Variants in TRPM2 observed in about 807,000 individuals in gnomAD.
The protein encoded by TRPM2 is estrogen-responsive element-associated gene 1 protein.
TRPM2 carries 161 observed loss-of-function variants against 174.0 expected under a neutral mutation model. The ratio of observed to expected loss-of-function variants is 0.93; its 90% confidence interval spans 0.81 to 1.05. The LOEUF is 1.05. Ranked by LOEUF, TRPM2 falls within the 50% of genes least tolerant of loss-of-function variation. The pLI, the probability that TRPM2 is intolerant of heterozygous loss-of-function variation, is 0.00. For missense variants in TRPM2, 2,057 were observed against 2,038.0 expected, an observed-to-expected ratio of 1.01 and a Z score of -0.18; for synonymous variants, 954 against 861.3, an observed-to-expected ratio of 1.11 and a Z score of -1.88.
intron 2 of TRPM2, among the ~76,000 whole-genome samples, chr21:44,359,331 C>A (rs1416650756): frequency 6.6e-6 from 1 of 152,114 alleles, no homozygotes; most frequent in Non-Finnish European, 1.5e-5. Context: ...CTGGCTTCAC[C>A]TCTCAACATC....
chr21:44,359,330 C>T (rs1395966928), intron 2 of TRPM2, among the ~76,000 whole-genome samples: 6 of 152,142 alleles, frequency 3.9e-5, no homozygotes, highest in Non-Finnish European at 5.9e-5. Flanking sequence ...GCTGGCTTCA[C>T]CTCTCAACAT....
chr21:44,425,761 G>A lies in TRPM2; in HGVS notation c.3729G>A (p.Arg1243=), dbSNP rs1012625878. 6.3e-7 allele frequency: 1 copy of A among 1,596,004 alleles called. No individual in the cohort carries two copies. ...EPGDSYHVNA[R]HLLYPNCPVT... is the part of the protein sequence containing the mutation. ...GCGACAGCTACCACGTGAATGCCCGGCACCTCCTCTACCCCAACTGCCCTG... is the reference window on the plus strand; with the variant it reads ...GCGACAGCTACCACGTGAATGCCCGACACCTCCTCTACCCCAACTGCCCTG... The change falls in exon 25 of 32, where the codon CGG becomes CGA. Residue 1243 remains arginine (R), a synonymous_variant. Coordinates refer to ENST00000397928, the MANE Select transcript of TRPM2 (RefSeq NM_003307.4).
intron 9 of TRPM2, among the ~76,000 whole-genome samples, chr21:44,385,200 T>C (rs915386178): frequency 1.3e-5 from 2 of 152,184 alleles, no homozygotes; most frequent in Non-Finnish European, 2.9e-5. Flanking sequence ...AACTGATACA[T>C]TTGACAAAAT....
rs2049549958 is a variant in TRPM2 at position 44,399,709 on chromosome 21, G to A, written c.2208+268G>A. Among the ~76,000 whole-genome samples the A allele has an allele frequency of 6.6e-6, 1 of 152,180 alleles. No homozygotes were observed. Among genetic ancestry groups the A allele is most frequent in the Admixed American group, 6.5e-5 (1 of 15,282 alleles). On this transcript the variant is annotated intron_variant, in intron 14 of 31. Transcript: ENST00000397928. The surrounding 1 kb of genome is among the most constrained non-coding windows in gnomAD (Gnocchi z 4.6). ...CCCATGGATGTTCCTACCTGGGAGC[G>A]GCAGGCAGAAGCCCAGGTGGCTCTG... is the stretch of plus-strand genomic sequence containing the variant.
chr21:44,371,342 C>T (rs2048536399), intron 5 of TRPM2, among the ~76,000 whole-genome samples: 2 of 125,284 alleles, frequency 1.6e-5, no homozygotes, highest in African/African-American at 3.2e-5. Context: ...GTCCCGTGGC[C>T]GCCTCCCTCC....
At chr21:44,421,880 G>A (rs1475000707) in intron 22 of TRPM2, among the ~76,000 whole-genome samples, 1 of 152,224 alleles carries the variant, frequency 6.6e-6, no homozygotes, top group Admixed American at 6.5e-5. Flanking sequence ...TGGTGCCACT[G>A]CACTGCAGCC....
rs1434708198 is a variant in TRPM2, at chr21:44,441,678, C to G, written c.4387-14C>G. On this transcript the variant is annotated splice_polypyrimidine_tract_variant and intron_variant, in intron 31 of 31. Coordinates refer to ENST00000397928, the MANE Select transcript of TRPM2 (RefSeq NM_003307.4). The stretch of plus-strand genomic sequence containing the variant: ...GGCTGGCGGGGAGGGTCAGCTGTGC[C>G]CTTGTTCTTCCAGAACCTGCACGCC... 6.2e-7 allele frequency: 1 copy of G among 1,603,852 alleles called. No homozygotes were observed. Among genetic ancestry groups the G allele is most frequent in the Admixed American group, 1.7e-5 (1 of 59,474 alleles).
Position 44,391,224 on chromosome 21 carries a change from T to C in TRPM2, c.1441-48T>C, listed in dbSNP as rs765669540. 2.4e-5 allele frequency: 37 copies of C among 1,569,438 alleles called. No homozygotes were observed. Among genetic ancestry groups the C allele is most frequent in the Admixed American group, 5.1e-5 (3 of 58,312 alleles). On this transcript the variant is annotated intron_variant, in intron 10 of 31. Transcript: ENST00000397928. The surrounding 1 kb of genome is among the most constrained non-coding windows in gnomAD (Gnocchi z 5.0). ...CAGGGTCTTTGAGATCAGGATGACA[T>C]GGGGTGATGACCAAATGCAACCGTC...
rs779983279 is a variant in TRPM2, at chr21:44,376,037, T to C, written c.952+24T>C. 1.1e-5 allele frequency: 17 copies of C among 1,606,820 alleles called. No individual in the cohort carries two copies. The highest frequency in any genetic ancestry group is 1.4e-5 in the Non-Finnish European group (17 of 1,174,964). The stretch of plus-strand genomic sequence containing the variant: ...AGGTAGGGGAGCTTGCTTTCGAGGG[T>C]GATTGGGCAGAGAGCACAGTGGGCT... On this transcript the variant is annotated intron_variant, in intron 6 of 31. Coordinates refer to ENST00000397928, the MANE Select transcript of TRPM2 (RefSeq NM_003307.4). This position sits in a 1 kb window ranked among gnomAD's most constrained non-coding sequence, Gnocchi z 4.2.
chr21:44,402,689 T>A (rs1041612193), intron 16 of TRPM2, among the ~76,000 whole-genome samples: 2 of 152,174 alleles, frequency 1.3e-5, no homozygotes, highest in African/African-American at 4.8e-5. Context: ...GCTCAGAGGC[T>A]ATCTCCCTGG....
intron 9 of TRPM2, among the ~76,000 whole-genome samples, chr21:44,387,746 C>G (rs577752810): frequency 3.6e-4 from 54 of 151,972 alleles, no homozygotes; most frequent in African/African-American, 1.3e-3. Context: ...CTTAAATAGA[C>G]ATTTCTTTAA....
At chr21:44,382,239 G>A (rs936135144) in intron 8 of TRPM2, among the ~76,000 whole-genome samples, 2 of 152,110 alleles carry the variant, frequency 1.3e-5, no homozygotes, top group African/African-American at 4.8e-5. Context: ...TTTATAGATG[G>A]ATAGATTATG....
At chr21:44,405,734 T>C (rs919290903) in intron 17 of TRPM2, among the ~76,000 whole-genome samples, 171 bp from the exon 18 acceptor site, 10 of 151,992 alleles carry the variant, frequency 6.6e-5, no homozygotes, top group Admixed American at 2.0e-4. Flanking sequence ...AGTGGGAGGC[T>C]CTATTCCTCA....
In TRPM2 at chr21:44,418,434, GAGA is replaced by G. The variant is rs2050393881; in HGVS notation, c.3345_3347del (p.Lys1115del). 3 of 1,613,926 alleles carry G rather than the reference GAGA, an allele frequency of 1.9e-6. No individual in the cohort carries two copies. The highest frequency in any genetic ancestry group is 1.3e-5 in the African/African-American group (1 of 74,932). ...GCCCACCCTGACAGAGAACAAGCTGGAGAAGAACGAGGAGGCGGCCCTGCTATC... is the reference window on the plus strand; with the variant it reads ...GCCCACCCTGACAGAGAACAAGCTGGAGAACGAGGAGGCGGCCCTGCTATC... On this transcript the variant is annotated inframe_deletion, in exon 22 of 32. Transcript: ENST00000397928.
chr21:44,414,108 G>T, intron 20 of TRPM2, 34 bp downstream of exon 20: 1 of 1,593,594 alleles, frequency 6.3e-7, no homozygotes, highest in Non-Finnish European at 8.6e-7. Context: ...GTGCAGGTGG[G>T]TGGGTGGGCG....
At chr21:44,422,655 G>A (rs930591327) in intron 22 of TRPM2, among the ~76,000 whole-genome samples, 8 of 152,220 alleles carry the variant, frequency 5.3e-5, no homozygotes, top group African/African-American at 1.9e-4. Flanking sequence ...CAGCGGATGA[G>A]AGCTGGAGAC....
chr21:44,405,276 C>A lies in TRPM2; in HGVS notation c.2657+16C>A. The A allele has an allele frequency of 1.2e-6, 2 of 1,611,050 alleles. No individual in the cohort carries two copies. The highest frequency in any genetic ancestry group is 2.2e-5 in the South Asian group (2 of 91,038). On this transcript the variant is annotated intron_variant, in intron 17 of 31. Transcript: ENST00000397928. ...TGACCTGCAGGTGAGTGGCCTCACC[C>A]CGATGGCGGGCCCGTCTGAGGCAGC...
intron 20 of TRPM2, among the ~76,000 whole-genome samples, chr21:44,416,982 A>T (rs1434138432): frequency 8.3e-6 from 1 of 119,948 alleles, no homozygotes; most frequent in Admixed American, 9.0e-5. Flanking sequence ...TCTCTGTGGC[A>T]TCACAGTGTG....
intron 7 of TRPM2, 106 bp from the exon 8 acceptor site, chr21:44,378,891 T>C (rs369972655): frequency 8.2e-7 from 1 of 1,221,724 alleles, no homozygotes; most frequent in Non-Finnish European, 1.2e-6. Flanking sequence ...CTCGGAGTAG[T>C]GTTAGCCAGC....
Sources: gnomAD v4.1 joint callset for allele counts (sites outside exome capture counted in the v4.1 genomes callset) on GRCh38, gnomAD v4.1.1 for gene constraint, Gnocchi (gnomAD v3.1) non-coding constraint, MANE v1.5 for transcripts, NCBI Gene and HGNC (gene_info 2026-07-23, HGNC 2026-07-21) for gene names.